NFIB: variants seen among roughly 807,000 people sequenced by gnomAD.
NFIB encodes nuclear factor 1 B-type.
NFIB carries 11 observed loss-of-function variants against 61.5 expected under a neutral mutation model. That is an observed-to-expected ratio of 0.18 (90% CI 0.11 to 0.30). The LOEUF (loss-of-function observed/expected upper bound fraction) is 0.30, where lower values mean the gene tolerates loss of function less well. Ranked by LOEUF, NFIB falls within the 10% of genes least tolerant of loss-of-function variation. NFIB has a pLI of 1.00. For missense variants in NFIB, 471 were observed against 608.9 expected (o/e 0.77, Z 2.38); for synonymous variants, 260 against 216.5 (o/e 1.20, Z -1.76).
At chr9:14,498,253 T>C in the NFIB span, among the ~76,000 whole-genome samples, 3 of 152,228 alleles carry the variant, frequency 2.0e-5, no homozygotes, top group East Asian at 1.9e-4. Flanking sequence ...GGAGAAGCTA[T>C]GGAACTCTTC....
intron 2 of NFIB, among the ~76,000 whole-genome samples, chr9:14,246,306 G>A (rs1205453507): frequency 1.3e-5 from 2 of 152,058 alleles, no homozygotes; most frequent in African/African-American, 2.4e-5. Context: ...CCATTAGATG[G>A]GAGGAAGCTC....
At chr9:14,365,672 G>A (rs745481894) in intron 1 of NFIB, among the ~76,000 whole-genome samples, 6 of 152,138 alleles carry the variant, frequency 3.9e-5, no homozygotes, top group African/African-American at 7.2e-5. Context: ...TTGGCCAGAC[G>A]TTTGTTCTAG....
chr9:14,279,474 C>T (rs577758647), intron 2 of NFIB, among the ~76,000 whole-genome samples: 1 of 152,136 alleles, frequency 6.6e-6, no homozygotes, highest in Non-Finnish European at 1.5e-5. Context: ...TTAAGGCTAA[C>T]AGTGATCAGA....
chr9:14,239,068 A>C (rs994950429), intron 2 of NFIB, among the ~76,000 whole-genome samples: 2 of 152,250 alleles, frequency 1.3e-5, no homozygotes, highest in African/African-American at 2.4e-5. Flanking sequence ...TTGATTCTGC[A>C]AGAGCAGTCG....
At chr9:14,411,202 G>A in the NFIB span, among the ~76,000 whole-genome samples, 1 of 152,106 alleles carries the variant, frequency 6.6e-6, no homozygotes, top group African/African-American at 2.4e-5. Context: ...TTCCCACAAA[G>A]ACAAAAAGAA....
chr9:14,462,423 C>T, the NFIB span, among the ~76,000 whole-genome samples: 1 of 152,018 alleles, frequency 6.6e-6, no homozygotes, highest in Non-Finnish European at 1.5e-5. Context: ...GCAGGGACTA[C>T]AGGCACCCGC....
At chr9:14,410,081 C>T in the NFIB span, among the ~76,000 whole-genome samples, 1 of 151,758 alleles carries the variant, frequency 6.6e-6, no homozygotes, top group African/African-American at 2.4e-5. Flanking sequence ...TTTCTAAAGT[C>T]TGTAACCGTG....
At chr9:14,201,636 G>A (rs2049040770) in intron 2 of NFIB, among the ~76,000 whole-genome samples, 1 of 152,122 alleles carries the variant, frequency 6.6e-6, no homozygotes, top group Non-Finnish European at 1.5e-5. Flanking sequence ...ATAGTTGGTT[G>A]TTTATACATT....
chr9:14,420,445 C>CAAAAAAAAA, the NFIB span, among the ~76,000 whole-genome samples: 22 of 42,420 alleles, frequency 5.2e-4, 2 homozygotes, highest in African/African-American at 5.7e-4. Context: ...GACTCCGTCT[C>CAAAAAAAAA]AAAAAAAAAA....
At chr9:14,287,187 T>A (rs2058761862) in intron 2 of NFIB, among the ~76,000 whole-genome samples, 1 of 151,974 alleles carries the variant, frequency 6.6e-6, no homozygotes, top group South Asian at 2.1e-4. Context: ...ATCCCAGCAC[T>A]CTGGGAGGCC....
the NFIB span, among the ~76,000 whole-genome samples, chr9:14,470,508 C>G: frequency 6.6e-6 from 1 of 152,116 alleles, no homozygotes; most frequent in African/African-American, 2.4e-5. Flanking sequence ...TATGGATGAA[C>G]TCCATAAGGG....
chr9:14,286,673 T>C (rs1256019294), intron 2 of NFIB, among the ~76,000 whole-genome samples: 2 of 152,200 alleles, frequency 1.3e-5, no homozygotes, highest in East Asian at 3.8e-4. Context: ...TCTTAAACTG[T>C]CTCTCACTAC....
intron 6 of NFIB, among the ~76,000 whole-genome samples, chr9:14,141,902 C>CAAAAAAAAAAAAAAAA (rs1207435536): frequency 7.5e-5 from 4 of 53,576 alleles, no homozygotes; most frequent in African/African-American, 2.9e-4. Context: ...CTGCTGCTCA[C>CAAAAAAAAAAAAAAAA]AAAAAAAAAA....
chr9:14,258,887 C>T (rs1437369429), intron 2 of NFIB, among the ~76,000 whole-genome samples: 6 of 152,198 alleles, frequency 3.9e-5, no homozygotes, highest in African/African-American at 1.4e-4. Context: ...CTAACAAACA[C>T]ACAGTCCAGG....
At chr9:14,490,433 T>A in the NFIB span, among the ~76,000 whole-genome samples, 1 of 152,174 alleles carries the variant, frequency 6.6e-6, no homozygotes, top group African/African-American at 2.4e-5. Flanking sequence ...TGACCTCAAA[T>A]GTACTAGCCA....
the NFIB span, among the ~76,000 whole-genome samples, chr9:14,451,741 T>C: frequency 7.2e-5 from 11 of 152,344 alleles, no homozygotes; most frequent in South Asian, 1.2e-3. Flanking sequence ...ATATGAAAAC[T>C]TGTCCTAATG....
chr9:14,311,674 C>G (rs2060286141), intron 1 of NFIB, among the ~76,000 whole-genome samples: 1 of 152,080 alleles, frequency 6.6e-6, no homozygotes, highest in South Asian at 2.1e-4. Context: ...TAAGATAAAA[C>G]TAGTGACTTT....
intron 2 of NFIB, among the ~76,000 whole-genome samples, chr9:14,251,184 T>C (rs1026005843): frequency 6.6e-6 from 1 of 152,216 alleles, no homozygotes; most frequent in Non-Finnish European, 1.5e-5. Flanking sequence ...CCTTTGGGTG[T>C]TTGTTTTACA....
the NFIB span, among the ~76,000 whole-genome samples, chr9:14,480,557 A>C: frequency 6.6e-6 from 1 of 152,190 alleles, no homozygotes; most frequent in African/African-American, 2.4e-5. Flanking sequence ...TTTCATCCCA[A>C]AACCTTGTCT....
Sources: allele counts gnomAD v4.1 joint callset (sites outside exome capture counted in the v4.1 genomes callset), GRCh38; gene constraint gnomAD v4.1.1; transcripts MANE v1.5; gene names NCBI Gene and HGNC (gene_info 2026-07-23, HGNC 2026-07-21).